Variants in SLC4A4 observed in about 807,000 individuals in gnomAD.
The protein encoded by SLC4A4 is solute carrier family 4 member 4.
SLC4A4 carries 27 observed loss-of-function variants against 111.5 expected under a neutral mutation model. The ratio of observed to expected loss-of-function variants is 0.24; its 90% CI spans 0.18 to 0.33. The LOEUF (loss-of-function observed/expected upper bound fraction) is 0.33, where lower values mean the gene tolerates loss of function less well. Ranked by LOEUF, SLC4A4 falls within the 10% of genes least tolerant of loss-of-function variation. SLC4A4 has a pLI of 1.00. For missense variants in SLC4A4, 909 were observed against 1,315.5 expected (o/e 0.69, Z 4.78); for synonymous variants, 443 against 463.4 (o/e 0.96, Z 0.57).
At chr4:71,224,498 T>C (rs1718936668) in intron 1 of SLC4A4, among the ~76,000 whole-genome samples, 1 of 152,202 alleles carries the variant, frequency 6.6e-6, no homozygotes, top group Non-Finnish European at 1.5e-5. Flanking sequence ...TGACTTAATT[T>C]CTCTGTATTT....
chr4:71,259,968 T>C (rs1721731115), intron 3 of SLC4A4, among the ~76,000 whole-genome samples: 1 of 152,180 alleles, frequency 6.6e-6, no homozygotes, highest in African/African-American at 2.4e-5. Flanking sequence ...GCTAACTGCC[T>C]CTCACACACA....
At chr4:71,564,121 A>G (rs1008288307) in intron 24 of SLC4A4, among the ~76,000 whole-genome samples, 2 of 151,744 alleles carry the variant, frequency 1.3e-5, no homozygotes, top group South Asian at 2.1e-4. Flanking sequence ...CTCTTACCCA[A>G]ATCATCCCCA....
intron 6 of SLC4A4, among the ~76,000 whole-genome samples, chr4:71,396,771 G>T (rs2148977271): frequency 6.6e-6 from 1 of 152,266 alleles, no homozygotes; most frequent in Non-Finnish European, 1.5e-5. Flanking sequence ...ATTTGTGTAT[G>T]ATAGTGTCTG....
At chr4:71,078,144 T>C (rs1308612255) in intron 1 of SLC4A4, among the ~76,000 whole-genome samples, 1 of 152,078 alleles carries the variant, frequency 6.6e-6, no homozygotes, top group Non-Finnish European at 1.5e-5. Flanking sequence ...CATAAAGGGA[T>C]TCTTGAGGTT....
chr4:71,497,092 G>A (rs1377771439), intron 15 of SLC4A4, among the ~76,000 whole-genome samples: 4 of 152,056 alleles, frequency 2.6e-5, no homozygotes, highest in Non-Finnish European at 5.9e-5. Context: ...AGGTAGACAC[G>A]TAAGAAGCTG....
At chr4:71,496,549 C>T (rs925941196) in intron 15 of SLC4A4, among the ~76,000 whole-genome samples, 8 of 151,974 alleles carry the variant, frequency 5.3e-5, no homozygotes, top group Admixed American at 2.0e-4. Context: ...GAGGGCACTA[C>T]ATTGCAGGTG....
chr4:71,321,118 TA>T, intron 3 of SLC4A4, among the ~76,000 whole-genome samples: 1 of 152,174 alleles, frequency 6.6e-6, no homozygotes, highest in Admixed American at 6.5e-5. Context: ...CACACTTCAA[TA>T]GAAAATTAAT....
At chr4:71,275,724 G>A (rs929986499) in intron 3 of SLC4A4, among the ~76,000 whole-genome samples, 2 of 152,192 alleles carry the variant, frequency 1.3e-5, no homozygotes, top group African/African-American at 4.8e-5. Flanking sequence ...TTAGGCCTTC[G>A]GCCCTCAAGC....
Position 71,338,129 on chromosome 4 carries a change from T to C in SLC4A4, c.254-1241T>C, listed in dbSNP as rs545432306. The stretch of plus-strand genomic sequence containing the variant: ...ATCGCAGGTGTAAGCCACCGCGCCC[T>C]GCCATTTTTTGACATTTTAATAGGT... On this transcript the variant is annotated intron_variant, in intron 3 of 25. Coordinates refer to ENST00000264485, the MANE Select transcript of SLC4A4 (RefSeq NM_001098484.3). Among the ~76,000 whole-genome samples, 10 of 152,226 alleles carry C rather than the reference T, an allele frequency of 6.6e-5. No homozygotes were observed. In the South Asian group the frequency reaches 2.1e-3, roughly 32 times the overall value.
At position 71,336,282 on chromosome 4, in the gene SLC4A4, G is replaced by A. The variant is rs187506953; in HGVS notation, c.254-3088G>A. Among the ~76,000 whole-genome samples, 22 of 152,222 alleles carry A rather than the reference G, an allele frequency of 1.4e-4. 1 individual carries two copies. The East Asian group carries it at 3.9e-3, about 27-fold the overall frequency. ...GTCCTTGCTTTGTACCGTAGTGCAT[G>A]ACTGTAAAAAAAAGACTTTGCAAAC... is the stretch of plus-strand genomic sequence containing the variant. On this transcript the variant is annotated intron_variant, in intron 3 of 25. Coordinates refer to ENST00000264485, the MANE Select transcript of SLC4A4 (RefSeq NM_001098484.3).
At chr4:71,334,249 G>A (rs1450014842) in intron 3 of SLC4A4, among the ~76,000 whole-genome samples, 3 of 151,982 alleles carry the variant, frequency 2.0e-5, no homozygotes. Context: ...GCCAAGACTG[G>A]GTCCTTACTT....
intron 6 of SLC4A4, among the ~76,000 whole-genome samples, chr4:71,372,726 T>G (rs1033136984): frequency 6.6e-6 from 1 of 152,262 alleles, no homozygotes; most frequent in African/African-American, 2.4e-5. Flanking sequence ...CCTGTCTAGT[T>G]TGTCCATCTA....
At chr4:71,264,335 T>C (rs1395935846) in intron 3 of SLC4A4, among the ~76,000 whole-genome samples, 1 of 152,204 alleles carries the variant, frequency 6.6e-6, no homozygotes, top group Admixed American at 6.5e-5. Flanking sequence ...ATGGTATTGT[T>C]ATTAAACACT....
chr4:71,063,939 TAAAGTGCTTTATTGTTTGC>T (rs531002187), intron 1 of SLC4A4, among the ~76,000 whole-genome samples: 3,312 of 152,234 alleles, frequency 0.022, 128 homozygotes, highest in African/African-American at 0.074. Context: ...GGAGCATTTG[TAAAGTGCTTTATTGTTTGC>T]AAAGTGCTTT....
At chr4:71,445,360 A>G (rs1725129435) in intron 8 of SLC4A4, among the ~76,000 whole-genome samples, 1 of 152,170 alleles carries the variant, frequency 6.6e-6, no homozygotes, top group South Asian at 2.1e-4. Flanking sequence ...TTGTTGCTAT[A>G]TAGTCAACCT....
At chr4:71,464,544 T>C (rs1397595904) in intron 12 of SLC4A4, among the ~76,000 whole-genome samples, 1 of 152,166 alleles carries the variant, frequency 6.6e-6, no homozygotes, top group African/African-American at 2.4e-5. Context: ...ATGGAAGTCC[T>C]TATGAGACCT....
At chr4:71,121,099 T>C (rs931123298) in intron 2 of SLC4A4, among the ~76,000 whole-genome samples, 1 of 151,674 alleles carries the variant, frequency 6.6e-6, no homozygotes, top group Non-Finnish European at 1.5e-5. Flanking sequence ...GTGTGCAGGG[T>C]CCCCCAGTAG....
At chr4:71,209,040 TGCTGAAA>T (rs1439043170) in intron 1 of SLC4A4, among the ~76,000 whole-genome samples, 2 of 152,224 alleles carry the variant, frequency 1.3e-5, no homozygotes, top group Non-Finnish European at 2.9e-5. Flanking sequence ...CTTTATGCAA[TGCTGAAA>T]GTCTTCAGAA....
At chr4:71,439,435 CAAAAAAAAAAAAAAAAAAAAAAA>C (rs56283596) in intron 7 of SLC4A4, among the ~76,000 whole-genome samples, 3 of 34,186 alleles carry the variant, frequency 8.8e-5, no homozygotes, top group Admixed American at 5.2e-4. Flanking sequence ...GACTCTGTCT[CAAAAAAAAAAAAAAAAAAAAAAA>C]AAAAAAAAAA....
Sources: allele counts gnomAD v4.1 joint callset (sites outside exome capture counted in the v4.1 genomes callset), GRCh38; gene constraint gnomAD v4.1.1; transcripts MANE v1.5; gene names NCBI Gene and HGNC (gene_info 2026-07-23, HGNC 2026-07-21).